DLST: variants seen among roughly 807,000 people sequenced by gnomAD.
DLST encodes dihydrolipoyllysine-residue succinyltransferase component of 2-oxoglutarate dehydrogenase complex, mitochondrial.
In DLST, 17 loss-of-function variants were observed where a neutral mutation model predicts 53.1. The ratio of observed to expected loss-of-function variants is 0.32; its 90% CI spans 0.22 to 0.48. DLST has a LOEUF of 0.48. Ranked by LOEUF, DLST falls within the 20% of genes least tolerant of loss-of-function variation. The pLI, the probability that DLST is intolerant of heterozygous loss-of-function variation, is 0.99. For synonymous variants in DLST, 206 were observed against 204.8 expected, an observed-to-expected ratio of 1.01 and a Z score of -0.05; for missense variants, 512 against 583.9, an observed-to-expected ratio of 0.88 and a Z score of 1.27.
Position 74,885,574 on chromosome 14 carries a change from T to C in DLST, c.98-12T>C, listed in dbSNP as rs1326319932. 1.2e-6 allele frequency: 2 copies of C among 1,614,006 alleles called. No individual in the cohort carries two copies. Among genetic ancestry groups the C allele is most frequent in the Non-Finnish European group, 1.7e-6 (2 of 1,179,980 alleles). On this transcript the variant is annotated splice_polypyrimidine_tract_variant and intron_variant, in intron 2 of 14. Coordinates refer to ENST00000334220, the MANE Select transcript of DLST (RefSeq NM_001933.5). The stretch of plus-strand genomic sequence containing the variant: ...AAGAGTTGTTGGTTAAGAGTTATTT[T>C]GTTTCTTGCAGGGGTCTCCTTATGC...
At chr14:74,895,906 TTATG>T (rs1884064289) in intron 10 of DLST, among the ~76,000 whole-genome samples, 1 of 151,800 alleles carries the variant, frequency 6.6e-6, no homozygotes, top group Non-Finnish European at 1.5e-5. Context: ...AAAAAAAAAA[TTATG>T]TATGGTGGCA....
At chr14:74,882,899 A>G (rs1371020082) in intron 2 of DLST, among the ~76,000 whole-genome samples, 2 of 152,220 alleles carry the variant, frequency 1.3e-5, no homozygotes, top group South Asian at 2.1e-4. Flanking sequence ...GGCTAGTTGG[A>G]TAGTGTCAGT....
In DLST at chr14:74,890,004, C is replaced by T. The variant is rs755433786; in HGVS notation, c.330+52C>T. On this transcript the variant is annotated intron_variant, in intron 6 of 14. Transcript: ENST00000334220. ...CTTTTCATGGGCTTCCCTTAGTTAA[C>T]CTAATGAAAGAAACAGGGACTTAAC... is the stretch of plus-strand genomic sequence containing the variant. 3.2e-6 allele frequency: 5 copies of T among 1,544,068 alleles called. No individual in the cohort carries two copies. The African/African-American group carries it at 5.5e-5, about 17-fold the overall frequency.
chr14:74,899,951 G>A lies in DLST; in HGVS notation c.930G>A (p.Val310=), dbSNP rs749716842. The A allele has an allele frequency of 1.9e-6, 3 of 1,613,564 alleles. No homozygotes were observed. Among genetic ancestry groups the A allele is most frequent in the African/African-American group, 1.3e-5 (1 of 74,886 alleles). ...AVIDDTTKEV[V]YRDYIDISVA... The stretch of plus-strand genomic sequence containing the variant: ...TTGACGACACAACCAAAGAGGTGGT[G>A]TATAGGGATTATATTGACATCAGTG... Residue 310 remains valine (V), a synonymous_variant, in exon 12 of 15, where the codon GTG becomes GTA. Coordinates refer to ENST00000334220, the MANE Select transcript of DLST (RefSeq NM_001933.5).
At chr14:74,897,934 T>TG (rs200496957) in intron 10 of DLST, among the ~76,000 whole-genome samples, 3 of 144,292 alleles carry the variant, frequency 2.1e-5, no homozygotes, top group African/African-American at 5.4e-5. Flanking sequence ...TCAGATTTGG[T>TG]GGGGTTTTTT....
intron 7 of DLST, chr14:74,891,544 G>A (rs1288704426): frequency 2.5e-5 from 25 of 996,782 alleles, no homozygotes; most frequent in Non-Finnish European, 3.0e-5. Flanking sequence ...CTGACAGAAT[G>A]CTCAAAGGAA....
chr14:74,885,466 A>G, intron 2 of DLST, 120 bp from the exon 3 acceptor site: 2 of 1,016,336 alleles, frequency 2.0e-6, no homozygotes, highest in Non-Finnish European at 3.1e-6. Flanking sequence ...TAAAGATTAT[A>G]TCCGTTGCCG....
chr14:74,891,359 T>A (rs1042887054), intron 7 of DLST, 192 bp downstream of exon 7: 130 of 1,347,784 alleles, frequency 9.6e-5, no homozygotes, highest in African/African-American at 1.9e-4. Context: ...GTGTATTTTT[T>A]AAAAAATAAA....
chr14:74,894,433 C>T, intron 10 of DLST, 24 bp downstream of exon 10: 2 of 1,605,730 alleles, frequency 1.2e-6, no homozygotes, highest in Non-Finnish European at 1.7e-6. Context: ...TCCCTCTTAT[C>T]CCCTAGGCCC....
chr14:74,882,734 C>A, intron 2 of DLST, 110 bp downstream of exon 2: 1 of 1,005,950 alleles, frequency 9.9e-7, no homozygotes, highest in Middle Eastern at 2.1e-4. Context: ...CAGTTTGGTT[C>A]AGAGAGTAGT....
At position 74,902,313 on chromosome 14, in the gene DLST, C is replaced by G. The variant is rs140969101; in HGVS notation, c.1345C>G (p.Leu449Val). ...GGCAGCGGTAGAGGATCCCAGAGTC[C>G]TCCTCCTGGATCTTTAGGAGGAACC... ...IKAAVEDPRV[L>V]LLDL The change falls in exon 15 of 15, where the codon CTC (leucine) becomes GTC (valine). Residue 449 changes from leucine to valine, a missense_variant. Leu to Val is a conservative substitution (Grantham distance 32). Transcript: ENST00000334220. 3.7e-5 allele frequency: 59 copies of G among 1,611,908 alleles called. No homozygotes were observed. Among genetic ancestry groups the G allele is most frequent in the Middle Eastern group, 3.9e-4 (2 of 5,168 alleles).
At chr14:74,897,279 C>T (rs1373817560) in intron 10 of DLST, among the ~76,000 whole-genome samples, 1 of 152,196 alleles carries the variant, frequency 6.6e-6, no homozygotes, top group Admixed American at 6.5e-5. Flanking sequence ...CTGAAGGGGG[C>T]TGTTAAAATT....
In DLST at chr14:74,902,438, G is replaced by C; in HGVS notation, c.*108G>C. The C allele has an allele frequency of 7.1e-7, 1 of 1,400,654 alleles. No individual in the cohort carries two copies. The allele number at this position is 1,400,654 out of a possible 1,614,324, so 86.8% of individuals were successfully genotyped here. ...GCCTGGTGACAGGCAGACACATGCT[G>C]TTGGCCTCAAGCAAGGAAGCAGAGC... On this transcript the variant is annotated 3_prime_UTR_variant, in exon 15 of 15. Coordinates refer to ENST00000334220, the MANE Select transcript of DLST (RefSeq NM_001933.5).
chr14:74,885,501 G>A lies in DLST; in HGVS notation c.98-85G>A, dbSNP rs1322109730. 4.5e-6 allele frequency: 6 copies of A among 1,320,636 alleles called. No individual in the cohort carries two copies. In the African/African-American group the frequency reaches 7.2e-5, roughly 16 times the overall value. The allele number at this position is 1,320,636 out of a possible 1,614,324, so 81.8% of individuals were successfully genotyped here. A position where few individuals can be genotyped will look rare whatever the true frequency, so the allele number is the denominator to read the frequency against. The stretch of plus-strand genomic sequence containing the variant: ...GTTGATCCTGCTCTGTCTCAGGGTT[G>A]GGGGTGAGCAGACCTTTTCCATTCC... On this transcript the variant is annotated intron_variant, in intron 2 of 14. Transcript: ENST00000334220.
intron 8 of DLST, 116 bp from the exon 9 acceptor site, chr14:74,893,232 A>T (rs1883969474): frequency 8.1e-7 from 1 of 1,229,670 alleles, no homozygotes; most frequent in Non-Finnish European, 1.2e-6. Flanking sequence ...GAGTGATACT[A>T]ATATACCTCA....
In DLST at chr14:74,893,422, C is replaced by A. The variant is rs758776791; in HGVS notation, c.670C>A (p.Arg224=). 3 of 1,614,072 alleles carry A rather than the reference C, an allele frequency of 1.9e-6. No homozygotes were observed. Among genetic ancestry groups the A allele is most frequent in the Non-Finnish European group, 2.5e-6 (3 of 1,180,046 alleles). ...TGGCAAAGGTCTGCGTTCAGAACAT[C>A]GGGTAAGCCTCTGAGGACCACTTTC... ...GAGKGLRSEH[R]EKMNRMRQRI... is the part of the protein sequence containing the mutation. Residue 224 remains arginine, a splice_region_variant and synonymous_variant, in exon 9 of 15, where the codon CGG becomes AGG. Coordinates refer to ENST00000334220, the MANE Select transcript of DLST (RefSeq NM_001933.5).
chr14:74,894,252 C>T (rs992640392), intron 9 of DLST, 60 bp from the exon 10 acceptor site: 12 of 1,592,330 alleles, frequency 7.5e-6, no homozygotes, highest in Admixed American at 5.1e-5. Flanking sequence ...TCTGACTACA[C>T]GGGGAATGCT....
rs1883926745 is a variant in DLST, at chr14:74,892,032, A to G, written c.443-802A>G. 8 of 202,688 alleles carry G rather than the reference A, an allele frequency of 3.9e-5. No homozygotes were observed. In the South Asian group the frequency reaches 1.4e-3, roughly 35 times the overall value. 12.6% of individuals were successfully genotyped at this position (202,688 alleles called of 1,614,324 possible). A position where few individuals can be genotyped will look rare whatever the true frequency, so the allele number is the denominator to read the frequency against. On this transcript the variant is annotated intron_variant, in intron 7 of 14. Coordinates refer to ENST00000334220, the MANE Select transcript of DLST (RefSeq NM_001933.5). ...AGATTATTACTTGGCCACTTCAGTG[A>G]TTTATGAGTCATCCTGGATGAAGTG...
chr14:74,890,410 A>G (rs1883864496), intron 6 of DLST, among the ~76,000 whole-genome samples: 1 of 151,924 alleles, frequency 6.6e-6, no homozygotes, highest in Non-Finnish European at 1.5e-5. Context: ...GAGCCACCGC[A>G]CCTGACCTGC....
Sources: gnomAD v4.1 joint callset for allele counts (sites outside exome capture counted in the v4.1 genomes callset) on GRCh38, gnomAD v4.1.1 for gene constraint, MANE v1.5 for transcripts, NCBI Gene and HGNC (gene_info 2026-07-23, HGNC 2026-07-21) for gene names.